KCNJ6: variants seen among roughly 807,000 people sequenced by gnomAD.
KCNJ6 encodes potassium inwardly rectifying channel subfamily J member 6.
A neutral mutation model predicts 34.2 loss-of-function variants in KCNJ6; 9 were observed. The observed-to-expected ratio is 0.26, with a 90% CI of 0.16 to 0.46. The LOEUF (loss-of-function observed/expected upper bound fraction) is 0.46, where lower values mean the gene tolerates loss of function less well. Among genes scored for constraint, KCNJ6 ranks in the 20% least tolerant of loss-of-function variants. The pLI, the probability that KCNJ6 is intolerant of heterozygous loss-of-function variation, is 1.00. For synonymous variants in KCNJ6, 196 were observed against 207.1 expected (o/e 0.95, Z 0.46); for missense variants, 236 against 531.3 (o/e 0.44, Z 5.46).
intron 1 of KCNJ6, among the ~76,000 whole-genome samples, chr21:37,910,705 CA>C (rs1397153646): frequency 6.6e-6 from 1 of 152,114 alleles, no homozygotes; most frequent in African/African-American, 2.4e-5. Context: ...TAAGCACAGC[CA>C]TACAGAAAAA....
chr21:37,626,171 C>G (rs971772036), intron 3 of KCNJ6, among the ~76,000 whole-genome samples: 1 of 150,898 alleles, frequency 6.6e-6, no homozygotes, highest in African/African-American at 2.4e-5. Flanking sequence ...CGCTGTGTCG[C>G]CCAGGCTGGA....
At chr21:37,841,529 T>G (rs1483532307) in intron 1 of KCNJ6, among the ~76,000 whole-genome samples, 2 of 152,218 alleles carry the variant, frequency 1.3e-5, no homozygotes, top group Non-Finnish European at 2.9e-5. Context: ...AGAAAAAACC[T>G]GAAAATTATA....
chr21:37,707,588 T>C (rs2054726627), intron 3 of KCNJ6, among the ~76,000 whole-genome samples: 1 of 140,810 alleles, frequency 7.1e-6, no homozygotes, highest in Non-Finnish European at 1.6e-5. Context: ...GAGAAGTTAA[T>C]TTGGAAAAAG....
chr21:37,763,357 C>G (rs2055075462), intron 2 of KCNJ6, among the ~76,000 whole-genome samples: 1 of 152,210 alleles, frequency 6.6e-6, no homozygotes, highest in Non-Finnish European at 1.5e-5. Flanking sequence ...CCCTGAACAG[C>G]TGGGACAACA....
chr21:37,731,111 GTGTGTGTGTGTGTGTGTT>G (rs1475038916), intron 2 of KCNJ6, among the ~76,000 whole-genome samples: 3 of 129,850 alleles, frequency 2.3e-5, no homozygotes, highest in Admixed American at 8.4e-5. Context: ...GTGTGTGTGT[GTGTGTGTGTGTGTGTGTT>G]TGTGTGCCTG....
chr21:37,610,598 T>TAAAAAAAAAAAAA lies in KCNJ6; in HGVS notation c.*14548_*14560dup, dbSNP rs71328602. 1.5e-4 allele frequency: 12 copies of TAAAAAAAAAAAAA among 77,472 alleles called. No homozygotes were observed. Among genetic ancestry groups the TAAAAAAAAAAAAA allele is most frequent in the African/African-American group, 6.9e-4 (12 of 17,428 alleles). The allele number at this position is 77,472 out of a possible 1,614,324, so 4.8% of individuals were successfully genotyped here. On this transcript the variant is annotated 3_prime_UTR_variant, in exon 4 of 4. Coordinates refer to ENST00000609713, the MANE Select transcript of KCNJ6 (RefSeq NM_002240.5). ...TGGGCAACAGAGTGAGACTCTGTCT[T>TAAAAAAAAAAAAA]AAAAAAAAAAAAAAAAAAAAAAGGA...
intron 2 of KCNJ6, among the ~76,000 whole-genome samples, chr21:37,796,133 C>T (rs2055240553): frequency 6.6e-6 from 1 of 152,074 alleles, no homozygotes; most frequent in East Asian, 1.9e-4. Context: ...TGCCGTAGCC[C>T]GTGGTTGCAT....
Position 37,840,688 on chromosome 21 carries a change from C to T in KCNJ6, c.-6G>A. On this transcript the variant is annotated 5_prime_UTR_variant, in exon 2 of 4. Transcript: ENST00000609713. ...GATTCTGTCAGCTTGGCCATTGTTG[C>T]AGTTTCTTCTTTGTGCTTTTCCTGG... 1.3e-6 allele frequency: 2 copies of T among 1,595,304 alleles called. No homozygotes were observed. The highest frequency in any genetic ancestry group is 8.6e-7 in the Non-Finnish European group (1 of 1,165,308).
chr21:37,750,622 A>G (rs534004561), intron 2 of KCNJ6, among the ~76,000 whole-genome samples: 40 of 152,244 alleles, frequency 2.6e-4, no homozygotes, highest in Non-Finnish European at 5.3e-4. Context: ...GCAAACTAAC[A>G]CAGGAACAGA....
intron 2 of KCNJ6, among the ~76,000 whole-genome samples, chr21:37,766,888 C>G (rs546930053): frequency 6.6e-6 from 1 of 152,248 alleles, no homozygotes; most frequent in South Asian, 2.1e-4. Flanking sequence ...ACTGCACCTG[C>G]GAGAGATCTA....
At chr21:37,774,391 C>A (rs1237343540) in intron 2 of KCNJ6, among the ~76,000 whole-genome samples, 1 of 151,960 alleles carries the variant, frequency 6.6e-6, no homozygotes, top group African/African-American at 2.4e-5. Context: ...GGTACATGTG[C>A]ACAATGTGCG....
intron 3 of KCNJ6, among the ~76,000 whole-genome samples, chr21:37,647,765 T>C (rs1406276520): frequency 1.3e-5 from 2 of 152,170 alleles, no homozygotes; most frequent in Non-Finnish European, 2.9e-5. Flanking sequence ...CCTTGTTCCC[T>C]CCTGGCTGAC....
intron 2 of KCNJ6, among the ~76,000 whole-genome samples, chr21:37,743,930 C>T (rs1451167628): frequency 4.6e-5 from 7 of 151,804 alleles, no homozygotes; most frequent in African/African-American, 9.7e-5. Context: ...TATAATCCCA[C>T]GAAGATTTTT....
chr21:37,892,934 G>C (rs1321188062), intron 1 of KCNJ6, among the ~76,000 whole-genome samples: 1 of 146,736 alleles, frequency 6.8e-6, no homozygotes, highest in Non-Finnish European at 1.5e-5. Flanking sequence ...CTCAGTGCAA[G>C]CTCCACCTCC....
intron 1 of KCNJ6, among the ~76,000 whole-genome samples, chr21:37,914,990 T>C (rs527965243): frequency 3.7e-4 from 57 of 152,048 alleles, no homozygotes; most frequent in African/African-American, 1.4e-3. Context: ...ATTTTGTTTC[T>C]CCACTAACCT....
chr21:37,643,896 A>T (rs527658555), intron 3 of KCNJ6, among the ~76,000 whole-genome samples: 1 of 152,254 alleles, frequency 6.6e-6, no homozygotes, highest in East Asian at 1.9e-4. Context: ...AGGAATATAA[A>T]TTTTTCTGTT....
In KCNJ6 at chr21:37,765,177, G is replaced by A. The variant is rs189351091; in HGVS notation, c.26-50046C>T. Among the ~76,000 whole-genome samples, 11 of 152,164 alleles carry A rather than the reference G, an allele frequency of 7.2e-5. No homozygotes were observed. In the East Asian group the frequency reaches 9.6e-4, roughly 13 times the overall value. On this transcript the variant is annotated intron_variant, in intron 2 of 3. Coordinates refer to ENST00000609713, the MANE Select transcript of KCNJ6 (RefSeq NM_002240.5). ...TGTCAATGTTCTTGGGGTTGTTTCCGTCTGTTGTGTCTGCATGGTGGAAAC... is the reference window on the plus strand; with the variant it reads ...TGTCAATGTTCTTGGGGTTGTTTCCATCTGTTGTGTCTGCATGGTGGAAAC...
At chr21:37,732,731 GCTTCT>G (rs1355649132) in intron 2 of KCNJ6, among the ~76,000 whole-genome samples, 2 of 152,104 alleles carry the variant, frequency 1.3e-5, no homozygotes, top group South Asian at 2.1e-4. Context: ...CCACAAACCC[GCTTCT>G]CTTAAGAATT....
intron 1 of KCNJ6, among the ~76,000 whole-genome samples, chr21:37,883,573 C>T (rs1263922117): frequency 1.3e-5 from 2 of 152,188 alleles, no homozygotes; most frequent in East Asian, 1.9e-4. Flanking sequence ...CGGCGGGCAC[C>T]GTCTTGGCTT....
Sources: allele counts gnomAD v4.1 joint callset (sites outside exome capture counted in the v4.1 genomes callset), GRCh38; gene constraint gnomAD v4.1.1; transcripts MANE v1.5; gene names NCBI Gene and HGNC (gene_info 2026-07-23, HGNC 2026-07-21).